UGT1A8: variants seen among roughly 807,000 people sequenced by gnomAD.
The protein encoded by UGT1A8 is UDP glucuronosyltransferase family 1 member A8, also known as UDP-glucuronosyltransferase 1A8.
Under a neutral mutation model 45.3 loss-of-function variants are expected in UGT1A8, and 39 were observed. That is an observed-to-expected ratio of 0.86 (90% confidence interval 0.67 to 1.12). The LOEUF (loss-of-function observed/expected upper bound fraction) is 1.12. UGT1A8 is among the 50% of genes most tolerant of loss of function. The probability of loss-of-function intolerance (pLI) is 0.00; values close to 1 mark genes in which losing one functional copy is unlikely to be tolerated. For missense variants in UGT1A8, 719 were observed against 664.9 expected (o/e 1.08, Z -0.90); for synonymous variants, 275 against 249.2 (o/e 1.10, Z -0.97).
intron 1 of UGT1A8, among the ~76,000 whole-genome samples, chr2:233,635,457 T>C (rs1050866377): frequency 6.6e-6 from 1 of 150,862 alleles, no homozygotes; most frequent in Non-Finnish European, 1.5e-5. Flanking sequence ...TGTCGTATAC[T>C]TTTAAACAAT....
intron 1 of UGT1A8, chr2:233,742,995 C>A (rs1168922692): frequency 4.3e-6 from 1 of 233,716 alleles, no homozygotes; most frequent in African/African-American, 2.3e-5. Flanking sequence ...TAGCAAATTG[C>A]ATACAGATAT....
chr2:233,676,509 GT>G (rs1559336596), intron 1 of UGT1A8, among the ~76,000 whole-genome samples: 1 of 152,146 alleles, frequency 6.6e-6, no homozygotes, highest in Non-Finnish European at 1.5e-5. Context: ...GCTAAAGTCT[GT>G]TTCCTTCAGA....
rs1406835631 is a variant in UGT1A8 at position 233,768,368 on chromosome 2, G to T, written c.1224G>T (p.Val408=). The T allele has an allele frequency of 6.2e-7, 1 of 1,614,116 alleles. No individual in the cohort carries two copies. The highest frequency in any genetic ancestry group is 2.2e-5 in the East Asian group (1 of 44,876). Residue 408 remains valine, a synonymous_variant, in exon 4 of 5, where the codon GTG becomes GTT. Coordinates refer to ENST00000373450, the MANE Select transcript of UGT1A8 (RefSeq NM_019076.5). ...AKRMETKGAG[V]TLNVLEMTSE... ...GCATGGAGACTAAGGGAGCTGGAGT[G>T]ACCCTGAATGTTCTGGAAATGACTT...
intron 1 of UGT1A8, among the ~76,000 whole-genome samples, chr2:233,627,700 C>G (rs1222866174): frequency 7.2e-6 from 1 of 138,446 alleles, no homozygotes; most frequent in Admixed American, 7.8e-5. Flanking sequence ...TTCTTTTCCA[C>G]TGGTCCTTAT....
intron 1 of UGT1A8, among the ~76,000 whole-genome samples, chr2:233,720,958 G>A (rs777333216): frequency 6.0e-5 from 9 of 149,038 alleles, no homozygotes; most frequent in African/African-American, 1.0e-4. Flanking sequence ...TGATCTGCCC[G>A]CCTCGGCCTC....
At chr2:233,621,778 C>T (rs529550884) in intron 1 of UGT1A8, among the ~76,000 whole-genome samples, 4 of 152,106 alleles carry the variant, frequency 2.6e-5, no homozygotes, top group South Asian at 4.2e-4. Flanking sequence ...ATGTGCACAA[C>T]GTAAAGGTTT....
At chr2:233,683,466 T>A (rs537888718) in intron 1 of UGT1A8, among the ~76,000 whole-genome samples, 8 of 152,276 alleles carry the variant, frequency 5.3e-5, no homozygotes, top group Admixed American at 2.0e-4. Flanking sequence ...TTACATTATA[T>A]ATATTTTCAT....
intron 1 of UGT1A8, among the ~76,000 whole-genome samples, chr2:233,715,099 T>C (rs2076432380): frequency 6.6e-6 from 1 of 152,192 alleles, no homozygotes; most frequent in South Asian, 2.1e-4. Context: ...TTGGCCAGGC[T>C]GATCTCAAAT....
At chr2:233,690,630 C>T (rs918376019) in intron 1 of UGT1A8, 5 of 1,288,446 alleles carry the variant, frequency 3.9e-6, no homozygotes, top group Non-Finnish European at 5.1e-6. Flanking sequence ...TCAAGTGATA[C>T]CTGAGGACAC....
chr2:233,632,422 C>T lies in UGT1A8; in HGVS notation c.855+13860C>T, dbSNP rs531249002. Reference sequence around the variant, plus strand: ...TAGCATTCAATCTATAAATTACCTTCAGCAGTACGGCCATTTTCACAATAT... The same window carrying T: ...TAGCATTCAATCTATAAATTACCTTTAGCAGTACGGCCATTTTCACAATAT... On this transcript the variant is annotated intron_variant, in intron 1 of 4. Coordinates refer to ENST00000373450, the MANE Select transcript of UGT1A8 (RefSeq NM_019076.5). Among the ~76,000 whole-genome samples the T allele has an allele frequency of 4.1e-4, 63 of 152,154 alleles. 1 individual carries two copies. Among genetic ancestry groups the T allele is most frequent in the Non-Finnish European group, 6.6e-4 (45 of 67,968 alleles).
At chr2:233,623,069 T>C (rs2073037666) in intron 1 of UGT1A8, among the ~76,000 whole-genome samples, 1 of 152,202 alleles carries the variant, frequency 6.6e-6, no homozygotes, top group African/African-American at 2.4e-5. Context: ...ACCTCTGTTC[T>C]GTTCCATTGG....
chr2:233,757,537 T>TATATATACATATAC lies in UGT1A8; in HGVS notation c.856-9490_856-9489insCATATACATATATA, dbSNP rs1472416448. Among the ~76,000 whole-genome samples the TATATATACATATAC allele has an allele frequency of 1.3e-3, 136 of 107,742 alleles. 2 individuals carry two copies. Among genetic ancestry groups the TATATATACATATAC allele is most frequent in the African/African-American group, 3.9e-3 (84 of 21,496 alleles). 70.7% of individuals were successfully genotyped at this position (107,742 alleles called of 152,430 possible). A position where few individuals can be genotyped will look rare whatever the true frequency, so the allele number is the denominator to read the frequency against. ...AAGCCAAAATCTTGCCTGTAAGGAA[T>TATATATACATATAC]ATATATATATATATATATATATATG... On this transcript the variant is annotated intron_variant, in intron 1 of 4. Transcript: ENST00000373450.
At chr2:233,702,617 T>C (rs1345703688) in intron 1 of UGT1A8, among the ~76,000 whole-genome samples, 1 of 152,142 alleles carries the variant, frequency 6.6e-6, no homozygotes, top group African/African-American at 2.4e-5. Flanking sequence ...CCCCCCACAT[T>C]ATGAGATTGA....
In UGT1A8 at chr2:233,660,366, C is replaced by T. The variant is rs765371353; in HGVS notation, c.855+41804C>T. 2.0e-5 allele frequency among the ~76,000 whole-genome samples: 3 copies of T among 152,142 alleles called. No individual in the cohort carries two copies. The East Asian group carries it at 5.8e-4, about 29-fold the overall frequency. On this transcript the variant is annotated intron_variant, in intron 1 of 4. Coordinates refer to ENST00000373450, the MANE Select transcript of UGT1A8 (RefSeq NM_019076.5). ...GAGATGATGTTTGAGGACATGGAGACCACTTTGGCTCCTTTTGTGTTGAAT... is the reference window on the plus strand; with the variant it reads ...GAGATGATGTTTGAGGACATGGAGATCACTTTGGCTCCTTTTGTGTTGAAT...
intron 1 of UGT1A8, chr2:233,692,383 A>G (rs1237796936): frequency 1.9e-5 from 3 of 155,458 alleles, no homozygotes; most frequent in Non-Finnish European, 4.3e-5. Flanking sequence ...ATTGACTCCA[A>G]GAAAGAGGGT....
intron 1 of UGT1A8, among the ~76,000 whole-genome samples, chr2:233,710,315 T>G (rs1041842675): frequency 6.6e-6 from 1 of 152,244 alleles, no homozygotes; most frequent in African/African-American, 2.4e-5. Context: ...GGTAGGTGTA[T>G]GTATGACTTC....
intron 4 of UGT1A8, 145 bp downstream of exon 4, chr2:233,768,584 T>TC: frequency 1.2e-5 from 1 of 86,896 alleles, no homozygotes; most frequent in Non-Finnish European, 1.4e-5. Flanking sequence ...TATTTCTTCT[T>TC]TTTTTTTTTT....
At chr2:233,755,225 C>G (rs563873154) in intron 1 of UGT1A8, 4 of 974,952 alleles carry the variant, frequency 4.1e-6, no homozygotes, top group Non-Finnish European at 6.0e-6. Flanking sequence ...TACCCTCGGA[C>G]GAGGCCTACC....
chr2:233,729,312 C>G (rs747184472), intron 1 of UGT1A8: 38 of 1,614,236 alleles, frequency 2.4e-5, no homozygotes, highest in Admixed American at 5.0e-5. Flanking sequence ...TGGTCCTCAC[C>G]CCAGAGGTGA....
Sources: gnomAD v4.1 joint callset for allele counts (sites outside exome capture counted in the v4.1 genomes callset) on GRCh38, gnomAD v4.1.1 for gene constraint, MANE v1.5 for transcripts, NCBI Gene and HGNC (gene_info 2026-07-23, HGNC 2026-07-21) for gene names.